Variants in EXT1 observed in about 807,000 individuals in gnomAD.
EXT1 encodes exostosin glycosyltransferase 1.
In EXT1, 20 loss-of-function variants were observed where a neutral mutation model predicts 82.5. The ratio of observed to expected loss-of-function variants is 0.24; its 90% confidence interval spans 0.17 to 0.35. EXT1 has a LOEUF of 0.35. Ranked by LOEUF, EXT1 falls within the 10% of genes least tolerant of loss-of-function variation. The probability of loss-of-function intolerance (pLI) is 1.00; values close to 1 mark genes in which losing one functional copy is unlikely to be tolerated. For synonymous variants in EXT1, 348 were observed against 350.8 expected (o/e 0.99, Z 0.09); for missense variants, 757 against 936.5 (o/e 0.81, Z 2.50).
intron 1 of EXT1, among the ~76,000 whole-genome samples, chr8:117,857,153 T>C (rs1194038934): frequency 6.6e-6 from 1 of 152,194 alleles, no homozygotes; most frequent in East Asian, 1.9e-4. Flanking sequence ...AAATATTGCG[T>C]TCGTTGGCAA....
intron 1 of EXT1, among the ~76,000 whole-genome samples, chr8:117,925,999 G>A (rs1221900754): frequency 1.3e-5 from 2 of 152,166 alleles, no homozygotes; most frequent in African/African-American, 2.4e-5. Flanking sequence ...CAATTTTAAA[G>A]TTAAGGAAAC....
intron 1 of EXT1, among the ~76,000 whole-genome samples, chr8:117,910,474 C>T (rs1813624751): frequency 6.6e-6 from 1 of 152,186 alleles, no homozygotes; most frequent in African/African-American, 2.4e-5. Flanking sequence ...GAGCTTGAGA[C>T]TGCCGAAAAC....
chr8:118,011,341 C>T (rs894456609), intron 1 of EXT1, among the ~76,000 whole-genome samples: 5 of 152,194 alleles, frequency 3.3e-5, no homozygotes, highest in Non-Finnish European at 5.9e-5. Flanking sequence ...GAGCCTGGAA[C>T]GTAGTAGGCA....
At chr8:117,920,801 T>G (rs1813840841) in intron 1 of EXT1, among the ~76,000 whole-genome samples, 1 of 152,114 alleles carries the variant, frequency 6.6e-6, no homozygotes, top group African/African-American at 2.4e-5. Flanking sequence ...GGGTGGAAGT[T>G]GACCACCCCT....
rs183872715 is a variant in EXT1, at chr8:117,919,971, G to A, written c.963-82770C>T. Among the ~76,000 whole-genome samples, 90 of 152,114 alleles carry A rather than the reference G, an allele frequency of 5.9e-4. 1 individual carries two copies. Among genetic ancestry groups the A allele is most frequent in the African/African-American group, 2.0e-3 (85 of 41,474 alleles). ...TTTTAAATCCTGATTTCTTTTTCTCGGGTTTAACTGGAAGCAAGAGCACGC... is the reference window on the plus strand; with the variant it reads ...TTTTAAATCCTGATTTCTTTTTCTCAGGTTTAACTGGAAGCAAGAGCACGC... On this transcript the variant is annotated intron_variant, in intron 1 of 10. Transcript: ENST00000378204.
intron 1 of EXT1, among the ~76,000 whole-genome samples, chr8:117,873,978 G>C (rs1420762578): frequency 6.6e-6 from 1 of 152,074 alleles, no homozygotes; most frequent in East Asian, 1.9e-4. Flanking sequence ...CTACAAAGTG[G>C]CCTAGGAGAA....
intron 1 of EXT1, among the ~76,000 whole-genome samples, chr8:118,020,086 T>C (rs1471435877): frequency 2.0e-5 from 3 of 152,210 alleles, no homozygotes; most frequent in Non-Finnish European, 4.4e-5. Context: ...AGAAGCAACT[T>C]GCATGTTTTT....
At chr8:117,877,658 G>A (rs1812994254) in intron 1 of EXT1, among the ~76,000 whole-genome samples, 1 of 152,168 alleles carries the variant, frequency 6.6e-6, no homozygotes, top group African/African-American at 2.4e-5. Flanking sequence ...CAGAGGAAAT[G>A]AGTGAATGGG....
At position 118,111,262 on chromosome 8, in the gene EXT1, G is replaced by A. The variant is rs962711201; in HGVS notation, c.-216C>T. On this transcript the variant is annotated 5_prime_UTR_variant, in exon 1 of 11. Coordinates refer to ENST00000378204, the MANE Select transcript of EXT1 (RefSeq NM_000127.3). ...CTCCCCTTCGGTCTTTCATCTTTGG[G>A]TTGCACAATGCACGGGAGAGAGCGG... 12 of 702,798 alleles carry A rather than the reference G, an allele frequency of 1.7e-5. No individual in the cohort carries two copies. The highest frequency in any genetic ancestry group is 2.9e-5 in the Non-Finnish European group (12 of 412,370). The allele number at this position is 702,798 out of a possible 1,614,324, so 43.5% of individuals were successfully genotyped here.
intron 1 of EXT1, among the ~76,000 whole-genome samples, chr8:117,930,256 G>A (rs1040869770): frequency 6.6e-6 from 1 of 152,160 alleles, no homozygotes; most frequent in East Asian, 1.9e-4. Context: ...CACACCTCAA[G>A]AGGAAGAAAT....
At chr8:117,884,039 T>C (rs1209530800) in intron 1 of EXT1, among the ~76,000 whole-genome samples, 2 of 152,208 alleles carry the variant, frequency 1.3e-5, no homozygotes, top group Admixed American at 1.3e-4. Context: ...TTTCTCTTTG[T>C]GTCTTCAGAG....
At chr8:117,995,872 A>G (rs986966653) in intron 1 of EXT1, among the ~76,000 whole-genome samples, 5 of 152,190 alleles carry the variant, frequency 3.3e-5, no homozygotes, top group Non-Finnish European at 7.3e-5. Flanking sequence ...TTCTCTAAGT[A>G]ACCTGATGCC....
At chr8:117,890,238 G>C (rs1330451780) in intron 1 of EXT1, among the ~76,000 whole-genome samples, 1 of 152,186 alleles carries the variant, frequency 6.6e-6, no homozygotes, top group Non-Finnish European at 1.5e-5. Flanking sequence ...AAAGTTATTT[G>C]CAAGTGATAA....
At chr8:117,804,688 G>T in intron 10 of EXT1, 34 bp downstream of exon 10, 1 of 1,612,966 alleles carries the variant, frequency 6.2e-7, no homozygotes, top group Non-Finnish European at 8.5e-7. Flanking sequence ...CCACCAGTGA[G>T]TGAAGCAAGG....
chr8:117,875,561 C>G (rs1586257537), intron 1 of EXT1, among the ~76,000 whole-genome samples: 1 of 152,226 alleles, frequency 6.6e-6, no homozygotes, highest in African/African-American at 2.4e-5. Flanking sequence ...TTTCAGAGCC[C>G]CAACTGCTAA....
intron 1 of EXT1, among the ~76,000 whole-genome samples, chr8:117,871,770 G>A (rs1812877314): frequency 6.6e-6 from 1 of 152,114 alleles, no homozygotes; most frequent in Non-Finnish European, 1.5e-5. Context: ...TTCTAAAACT[G>A]CTTCCACAGT....
intron 1 of EXT1, among the ~76,000 whole-genome samples, chr8:118,021,791 T>C (rs1319005594): frequency 6.6e-6 from 1 of 152,190 alleles, no homozygotes; most frequent in Non-Finnish European, 1.5e-5. Context: ...TTCGGGAAAA[T>C]GAGTTCTATT....
At chr8:118,067,354 T>C (rs1297701418) in intron 1 of EXT1, among the ~76,000 whole-genome samples, 2 of 152,226 alleles carry the variant, frequency 1.3e-5, no homozygotes, top group African/African-American at 4.8e-5. Context: ...AGGCATAGCT[T>C]GGACTAGCTG....
intron 1 of EXT1, among the ~76,000 whole-genome samples, chr8:117,850,172 G>A (rs1169790250): frequency 6.6e-6 from 1 of 152,216 alleles, no homozygotes; most frequent in African/African-American, 2.4e-5. Flanking sequence ...CTTGTTGCTT[G>A]GTTTCCATTA....
Sources: gnomAD v4.1 joint callset for allele counts (sites outside exome capture counted in the v4.1 genomes callset) on GRCh38, gnomAD v4.1.1 for gene constraint, MANE v1.5 for transcripts, NCBI Gene and HGNC (gene_info 2026-07-23, HGNC 2026-07-21) for gene names.